Variants in AMMECR1 observed in about 807,000 individuals in gnomAD.
The protein encoded by AMMECR1 is AMMECR nuclear protein 1, also known as nuclear protein AMMECR1.
A neutral mutation model predicts 22.5 loss-of-function variants in AMMECR1; 3 were observed. The ratio of observed to expected loss-of-function variants is 0.13; its 90% CI spans 0.06 to 0.35. The LOEUF is 0.35. Ranked by LOEUF, AMMECR1 falls within the 10% of genes least tolerant of loss-of-function variation. The pLI is 1.00. For synonymous variants in AMMECR1, 130 were observed against 116.7 expected (o/e 1.11, Z -0.74); for missense variants, 235 against 278.7 (o/e 0.84, Z 1.12).
At chrX:110,236,573 G>A (rs893629919) in intron 2 of AMMECR1, among the ~76,000 whole-genome samples, 5 of 112,045 alleles carry the variant, frequency 4.5e-5, no homozygotes, top group African/African-American at 9.7e-5. Flanking sequence ...TTAGCTCTAT[G>A]AGTATGGTGA....
At chrX:110,266,924 G>T (rs2067772696) in intron 1 of AMMECR1, among the ~76,000 whole-genome samples, 1 of 110,502 alleles carries the variant, frequency 9.0e-6, no homozygotes, top group South Asian at 3.9e-4. Context: ...CCATTTATGA[G>T]TGAGAACATG....
chrX:110,254,049 C>T (rs1260280431), intron 2 of AMMECR1, among the ~76,000 whole-genome samples: 1 of 110,867 alleles, frequency 9.0e-6, no homozygotes, highest in Non-Finnish European at 1.9e-5. Context: ...TGCCCATTGC[C>T]AGCAATGGTC....
chrX:110,408,592 T>A (rs1347494307), intron 2 of AMMECR1, among the ~76,000 whole-genome samples: 1 of 112,472 alleles, frequency 8.9e-6, no homozygotes, highest in African/African-American at 3.2e-5. Flanking sequence ...TTTAATCAAC[T>A]ATTCTGTAAA....
In AMMECR1 at chrX:110,304,534, T is replaced by A. The variant is rs1373430417; in HGVS notation, c.473+13065A>T. ...GGCAGTGTGACATAACCAATGTTAA[T>A]CTAACTGACTTAAGCTGAATGCGTA... On this transcript the variant is annotated intron_variant, in intron 1 of 5. Transcript: ENST00000262844. Among the ~76,000 whole-genome samples, 3 of 112,346 alleles carry A rather than the reference T, an allele frequency of 2.7e-5. No individual in the cohort carries two copies. The South Asian group carries it at 1.1e-3, about 42-fold the overall frequency.
chrX:110,267,251 A>C (rs1337310647), intron 1 of AMMECR1, among the ~76,000 whole-genome samples: 1 of 111,002 alleles, frequency 9.0e-6, no homozygotes, highest in Non-Finnish European at 1.9e-5. Flanking sequence ...CTAGATCCTT[A>C]AGGAATCGCC....
At chrX:110,201,114 A>G in intron 4 of AMMECR1, 64 bp from the exon 5 acceptor site, 1 of 755,779 alleles carries the variant, frequency 1.3e-6, no homozygotes, top group Non-Finnish European at 1.9e-6. Flanking sequence ...TTCATTAAAT[A>G]CAAAATGACT....
intron 1 of AMMECR1, among the ~76,000 whole-genome samples, chrX:110,299,254 CT>C (rs1198292278): frequency 9.0e-6 from 1 of 111,572 alleles, no homozygotes; most frequent in Non-Finnish European, 1.9e-5. Context: ...AGTGTTGGTT[CT>C]TAGACAAAAG....
At chrX:110,320,083 T>G (rs549629513), upstream of AMMECR1, among the ~76,000 whole-genome samples, 2 of 112,377 alleles carry the variant, frequency 1.8e-5, no homozygotes, top group Non-Finnish European at 3.8e-5. Context: ...GTCGGTGATA[T>G]GTAATTTCAT....
Position 110,375,568 on chromosome X carries a change from C to G in AMMECR1, c.-148+51090G>C, listed in dbSNP as rs779390753. On this transcript the variant is annotated intron_variant, in intron 2 of 7. Coordinates refer to the AMMECR1 transcript ENST00000372057. ...TGAATGAATGAATGAATGAATCAAT[C>G]AATCAATCAATTAGAGCCTGCCCTG... is the stretch of plus-strand genomic sequence containing the variant. Among the ~76,000 whole-genome samples, 224 of 111,518 alleles carry G rather than the reference C, an allele frequency of 2.0e-3. 1 individual carries two copies. The highest frequency in any genetic ancestry group is 6.7e-3 in the African/African-American group (205 of 30,591).
chrX:110,235,079 C>T (rs2067592937), intron 2 of AMMECR1, among the ~76,000 whole-genome samples: 1 of 111,999 alleles, frequency 8.9e-6, no homozygotes, highest in Admixed American at 9.4e-5. Context: ...GCAATCTACT[C>T]ATCTGACAAA....
Position 110,268,262 on chromosome X carries a change from G to A in AMMECR1, c.474-3663C>T, listed in dbSNP as rs369253620. Among the ~76,000 whole-genome samples, 5 of 111,846 alleles carry A rather than the reference G, an allele frequency of 4.5e-5. No individual in the cohort carries two copies. In the East Asian group the frequency reaches 1.1e-3, roughly 25 times the overall value. ...CATCCACTTTGGGAGTTGGGATTGC[G>A]GGGAAGTATCTGTGTCAAAGATGGG... On this transcript the variant is annotated intron_variant, in intron 1 of 5. Transcript: ENST00000262844.
intron 1 of AMMECR1, among the ~76,000 whole-genome samples, chrX:110,314,689 A>G (rs2068039995): frequency 8.9e-6 from 1 of 112,210 alleles, no homozygotes; most frequent in South Asian, 3.7e-4. Context: ...CTGATTTTGA[A>G]TATCAAAATG....
At chrX:110,417,569 G>T (rs1366539749) in intron 2 of AMMECR1, among the ~76,000 whole-genome samples, 2 of 111,880 alleles carry the variant, frequency 1.8e-5, no homozygotes, top group Non-Finnish European at 3.8e-5. Context: ...GTTTTGTGAT[G>T]GAGGTGGGTA....
intron 2 of AMMECR1, among the ~76,000 whole-genome samples, chrX:110,257,698 C>A (rs775652453): frequency 9.0e-6 from 1 of 111,456 alleles, no homozygotes; most frequent in Admixed American, 9.5e-5. Flanking sequence ...TTTATAGATA[C>A]CTTTAAATAC....
chrX:110,311,605 G>C (rs1437064236), intron 1 of AMMECR1, among the ~76,000 whole-genome samples: 3 of 111,487 alleles, frequency 2.7e-5, no homozygotes, highest in African/African-American at 9.8e-5. Context: ...AACATTAAGA[G>C]CTGTAGAAAA....
chrX:110,339,421 A>C (rs888963723), intron 2 of AMMECR1, among the ~76,000 whole-genome samples: 2 of 108,356 alleles, frequency 1.8e-5, no homozygotes, highest in Non-Finnish European at 3.8e-5. Flanking sequence ...AAAAAAAAAA[A>C]AAAACAAAAA....
At chrX:110,430,964 G>T (rs775289793) in intron 1 of AMMECR1, among the ~76,000 whole-genome samples, 1 of 111,936 alleles carries the variant, frequency 8.9e-6, no homozygotes, top group East Asian at 2.8e-4. Context: ...ACTTGTGTAT[G>T]ATACTCAGGA....
chrX:110,316,612 C>T (rs2068049122), intron 1 of AMMECR1, among the ~76,000 whole-genome samples: 1 of 109,750 alleles, frequency 9.1e-6, no homozygotes, highest in African/African-American at 3.3e-5. Context: ...ACCTCCCACA[C>T]ATCCAAATGG....
intron 1 of AMMECR1, among the ~76,000 whole-genome samples, chrX:110,315,767 C>CTAA (rs1366699599): frequency 8.9e-6 from 1 of 111,943 alleles, no homozygotes; most frequent in Non-Finnish European, 1.9e-5. Flanking sequence ...AGCTCAAGAA[C>CTAA]TAAACAGGAG....
Sources: gnomAD v4.1 joint callset for allele counts (sites outside exome capture counted in the v4.1 genomes callset) on GRCh38, gnomAD v4.1.1 for gene constraint, MANE v1.5 for transcripts, NCBI Gene and HGNC (gene_info 2026-07-23, HGNC 2026-07-21) for gene names.